RNF180: variants seen among roughly 807,000 people sequenced by gnomAD.
The protein encoded by RNF180 is ring finger protein 180, also known as E3 ubiquitin-protein ligase RNF180.
In RNF180, 38 loss-of-function variants were observed where a neutral mutation model predicts 59.2. That is an observed-to-expected ratio of 0.64 (90% CI 0.50 to 0.84). The LOEUF (loss-of-function observed/expected upper bound fraction) is 0.84, where lower values mean the gene tolerates loss of function less well. Ranked by LOEUF, RNF180 falls within the 40% of genes least tolerant of loss-of-function variation. The pLI is 0.00. For synonymous variants in RNF180, 262 were observed against 240.3 expected, an observed-to-expected ratio of 1.09 and a Z score of -0.84; for missense variants, 705 against 700.9, an observed-to-expected ratio of 1.01 and a Z score of -0.07.
At chr5:64,331,344 G>A (rs558056716) in intron 7 of RNF180, among the ~76,000 whole-genome samples, 38 of 152,332 alleles carry the variant, frequency 2.5e-4, no homozygotes, top group African/African-American at 8.4e-4. Flanking sequence ...TGGGGGCTGG[G>A]CTGTCAGTTC....
intron 7 of RNF180, among the ~76,000 whole-genome samples, chr5:64,348,704 T>C (rs1187125115): frequency 6.6e-6 from 1 of 152,028 alleles, no homozygotes; most frequent in Non-Finnish European, 1.5e-5. Context: ...TTCTGAACAA[T>C]ATTTCCTGTT....
intron 7 of RNF180, among the ~76,000 whole-genome samples, chr5:64,347,793 G>A (rs1333318597): frequency 6.6e-6 from 1 of 152,110 alleles, no homozygotes; most frequent in Non-Finnish European, 1.5e-5. Context: ...TGTCAGGACT[G>A]TGTTATTAAC....
intron 5 of RNF180, among the ~76,000 whole-genome samples, chr5:64,315,440 A>G (rs146309901): frequency 6.6e-6 from 1 of 152,310 alleles, no homozygotes. Context: ...CACAATTCAA[A>G]TAATAACCAA....
At chr5:64,322,134 C>A (rs143527292) in intron 5 of RNF180, among the ~76,000 whole-genome samples, 2 of 152,064 alleles carry the variant, frequency 1.3e-5, no homozygotes, top group African/African-American at 4.8e-5. Flanking sequence ...AAAGCAATTG[C>A]GACAAAGGCT....
chr5:64,345,445 A>G (rs1745516991), intron 7 of RNF180, among the ~76,000 whole-genome samples: 1 of 152,196 alleles, frequency 6.6e-6, no homozygotes, highest in Non-Finnish European at 1.5e-5. Flanking sequence ...GCATAACTTT[A>G]TCAGGAAATA....
At position 64,182,351 on chromosome 5, in the gene RNF180, A is replaced by T. The variant is rs181410788; in HGVS notation, c.-1+16398A>T. 9.2e-5 allele frequency among the ~76,000 whole-genome samples: 14 copies of T among 152,320 alleles called. No individual in the cohort carries two copies. In the East Asian group the frequency reaches 2.7e-3, roughly 29 times the overall value. On this transcript the variant is annotated intron_variant, in intron 1 of 7. Transcript: ENST00000389100. ...TGAATCAATCCAATTGCTTTAGAGG[A>T]TCTTCACTAATCACCATTAAATATT...
At chr5:64,333,895 A>G (rs1040952646) in intron 7 of RNF180, among the ~76,000 whole-genome samples, 1 of 152,224 alleles carries the variant, frequency 6.6e-6, no homozygotes, top group African/African-American at 2.4e-5. Flanking sequence ...CTGAGTTATC[A>G]GGTGTCTGGA....
At chr5:64,284,010 G>A (rs976766740) in intron 5 of RNF180, among the ~76,000 whole-genome samples, 2 of 152,112 alleles carry the variant, frequency 1.3e-5, no homozygotes, top group Non-Finnish European at 2.9e-5. Context: ...TCATTTTCAT[G>A]TTTAGCACTC....
At chr5:64,314,463 C>G (rs1025988631) in intron 5 of RNF180, among the ~76,000 whole-genome samples, 1 of 151,984 alleles carries the variant, frequency 6.6e-6, no homozygotes, top group Non-Finnish European at 1.5e-5. Flanking sequence ...AATATGGTAC[C>G]TAATAGATGT....
At chr5:64,269,510 T>C (rs972827048) in intron 5 of RNF180, among the ~76,000 whole-genome samples, 16 of 152,188 alleles carry the variant, frequency 1.1e-4, no homozygotes, top group African/African-American at 3.9e-4. Flanking sequence ...GGCATCCCTG[T>C]GTGCCCAAGT....
intron 5 of RNF180, among the ~76,000 whole-genome samples, chr5:64,275,495 A>T (rs1741665108): frequency 6.6e-6 from 1 of 151,500 alleles, no homozygotes; most frequent in Admixed American, 6.6e-5. Flanking sequence ...AATGAATGAC[A>T]GTCCACAAAG....
intron 1 of RNF180, among the ~76,000 whole-genome samples, chr5:64,182,347 G>A (rs1035967624): frequency 1.3e-5 from 2 of 152,146 alleles, no homozygotes; most frequent in African/African-American, 2.4e-5. Flanking sequence ...AATTGCTTTA[G>A]AGGATCTTCA....
At position 64,355,085 on chromosome 5, in the gene RNF180, AAAAT is replaced by A. The variant is rs547296045; in HGVS notation, c.1580-14514_1580-14511del. Among the ~76,000 whole-genome samples the A allele has an allele frequency of 2.7e-3, 411 of 152,050 alleles. 4 individuals are homozygous for A. Among genetic ancestry groups the A allele is most frequent in the African/African-American group, 9.3e-3 (385 of 41,534 alleles). On this transcript the variant is annotated intron_variant, in intron 7 of 7. Coordinates refer to ENST00000389100, the MANE Select transcript of RNF180 (RefSeq NM_001113561.2). ...ACTCTAGCTGGAACAATTTGATTTA[AAAAT>A]AAATAAATAAATAAAAGGCATCCAA... is the stretch of plus-strand genomic sequence containing the variant.
rs904286520 is a variant in RNF180, at chr5:64,217,380, G to A, written c.1211G>A (p.Gly404Glu). Reference sequence around the variant, plus strand: ...CTCTAGGGTAAATACTCAGGAGTGGGATTGCTGGATCATATGGTAAGTATA... The same window carrying A: ...CTCTAGGGTAAATACTCAGGAGTGGAATTGCTGGATCATATGGTAAGTATA... The part of the protein sequence containing the change: ...LQKQGKYSGV[G>E]LLDHMTLNNE... The change falls in exon 5 of 8, where the codon GGA becomes GAA. Residue 404 changes from glycine (G) to glutamate (E), a missense_variant. Gly to Glu is a moderately conservative substitution (Grantham distance 98). Coordinates refer to ENST00000389100, the MANE Select transcript of RNF180 (RefSeq NM_001113561.2). 1.1e-5 allele frequency: 15 copies of A among 1,421,296 alleles called. No individual in the cohort carries two copies. The highest frequency in any genetic ancestry group is 1.4e-5 in the Non-Finnish European group (15 of 1,082,078). 88.0% of individuals were successfully genotyped at this position (1,421,296 alleles called of 1,614,324 possible).
chr5:64,302,021 A>C (rs1031770326), intron 5 of RNF180, among the ~76,000 whole-genome samples: 5 of 151,604 alleles, frequency 3.3e-5, no homozygotes, highest in Non-Finnish European at 7.4e-5. Context: ...TACACATGTA[A>C]AATACCCACT....
At chr5:64,342,436 G>T (rs1358415860) in intron 7 of RNF180, among the ~76,000 whole-genome samples, 1 of 152,148 alleles carries the variant, frequency 6.6e-6, no homozygotes, top group Non-Finnish European at 1.5e-5. Context: ...TGTCGGATTG[G>T]AAGAGGAGTC....
At chr5:64,334,854 T>C (rs1007051259) in intron 7 of RNF180, among the ~76,000 whole-genome samples, 43 of 152,310 alleles carry the variant, frequency 2.8e-4, no homozygotes, top group African/African-American at 1.0e-3. Flanking sequence ...ACAGTGTTTC[T>C]ATAAACACTC....
chr5:64,260,156 A>G (rs1349516524), intron 5 of RNF180, among the ~76,000 whole-genome samples: 1 of 152,214 alleles, frequency 6.6e-6, no homozygotes, highest in Non-Finnish European at 1.5e-5. Context: ...ATTTATGCAT[A>G]TAGATATTTC....
chr5:64,268,288 C>T (rs1337951302), intron 5 of RNF180, among the ~76,000 whole-genome samples: 1 of 152,072 alleles, frequency 6.6e-6, no homozygotes, highest in Admixed American at 6.6e-5. Context: ...ATTATAGTAA[C>T]TACATTACTA....
Sources: allele counts gnomAD v4.1 joint callset (sites outside exome capture counted in the v4.1 genomes callset), GRCh38; gene constraint gnomAD v4.1.1; transcripts MANE v1.5; gene names NCBI Gene and HGNC (gene_info 2026-07-23, HGNC 2026-07-21).